PDE11A: variants seen among roughly 807,000 people sequenced by gnomAD.
PDE11A encodes phosphodiesterase 11A.
In PDE11A, 100 loss-of-function variants were observed where a neutral mutation model predicts 100.5. The observed-to-expected ratio is 1.00, with a 90% CI of 0.85 to 1.18. PDE11A has a LOEUF of 1.18. PDE11A is among the 50% of genes most tolerant of loss of function. The probability of loss-of-function intolerance (pLI) is 0.00; values close to 1 mark genes in which losing one functional copy is unlikely to be tolerated. For synonymous variants in PDE11A, 381 were observed against 420.8 expected (o/e 0.91, Z 1.16); for missense variants, 1,141 against 1,152.6 (o/e 0.99, Z 0.15).
At chr2:177,755,773 C>G (rs2082082597) in intron 10 of PDE11A, among the ~76,000 whole-genome samples, 3 of 152,208 alleles carry the variant, frequency 2.0e-5, no homozygotes, top group Admixed American at 2.0e-4. Context: ...AACCCAGGCT[C>G]TGCCAGAGGC....
chr2:177,831,610 A>G (rs1364024450), intron 6 of PDE11A, among the ~76,000 whole-genome samples: 1 of 152,238 alleles, frequency 6.6e-6, no homozygotes, highest in Non-Finnish European at 1.5e-5. Context: ...TATTGGGATC[A>G]GCACCAGCAG....
In PDE11A at chr2:178,019,881, T is replaced by C. The variant is rs191569642; in HGVS notation, c.913-5421A>G. The stretch of plus-strand genomic sequence containing the variant: ...TGAGATAAAGGTGAAAGTCTACATA[T>C]GAAGAGAGTAGAAGGTTGATAAATC... On this transcript the variant is annotated intron_variant, in intron 1 of 19. Transcript: ENST00000286063. Among the ~76,000 whole-genome samples, 79 of 152,268 alleles carry C rather than the reference T, an allele frequency of 5.2e-4. 2 individuals carry two copies. Among genetic ancestry groups the C allele is most frequent in the Non-Finnish European group, 7.3e-5 (5 of 68,030 alleles).
chr2:177,665,670 A>G (rs893014204), intron 18 of PDE11A, among the ~76,000 whole-genome samples: 1 of 151,446 alleles, frequency 6.6e-6, no homozygotes, highest in African/African-American at 2.4e-5. Flanking sequence ...AGCCTGGCCA[A>G]CATGGCGAAA....
At chr2:177,733,166 T>C (rs1354095431) in intron 10 of PDE11A, among the ~76,000 whole-genome samples, 1 of 152,238 alleles carries the variant, frequency 6.6e-6, no homozygotes, top group Non-Finnish European at 1.5e-5. Flanking sequence ...TTTCTCCAAA[T>C]GTCAGTCTTC....
intron 2 of PDE11A, among the ~76,000 whole-genome samples, chr2:177,950,931 C>CA (rs71410778): frequency 0.067 from 9,522 of 141,564 alleles, 302 homozygotes; most frequent in South Asian, 0.11. Context: ...GACTCCGTCT[C>CA]AAAAAAAAAA....
intron 19 of PDE11A, among the ~76,000 whole-genome samples, chr2:177,634,990 A>G (rs1399295129): frequency 6.6e-6 from 1 of 152,196 alleles, no homozygotes; most frequent in Non-Finnish European, 1.5e-5. Flanking sequence ...GAGGAACTCT[A>G]AAGGTTATGT....
intron 9 of PDE11A, among the ~76,000 whole-genome samples, chr2:177,804,468 T>C (rs1404541270): frequency 1.3e-5 from 2 of 152,000 alleles, no homozygotes; most frequent in Non-Finnish European, 2.9e-5. Flanking sequence ...GTAATACTTA[T>C]ATGCTGTTGA....
chr2:178,091,838 C>T (rs1313203973), intron 2 of PDE11A, among the ~76,000 whole-genome samples: 1 of 152,140 alleles, frequency 6.6e-6, no homozygotes, highest in Non-Finnish European at 1.5e-5. Flanking sequence ...CCCTCTCTCT[C>T]AGTGTCCCTG....
chr2:177,941,151 C>T (rs569924412), intron 2 of PDE11A, among the ~76,000 whole-genome samples: 46 of 152,318 alleles, frequency 3.0e-4, no homozygotes, highest in African/African-American at 1.1e-3. Context: ...TAGAGTATCT[C>T]ATTTAATCCT....
intron 2 of PDE11A, among the ~76,000 whole-genome samples, chr2:177,915,042 AT>A (rs994134691): frequency 6.6e-6 from 1 of 152,062 alleles, no homozygotes; most frequent in Non-Finnish European, 1.5e-5. Context: ...AAAGAAGTAG[AT>A]TTTTTTTAGG....
intron 5 of PDE11A, among the ~76,000 whole-genome samples, chr2:177,840,923 A>G (rs577812331): frequency 1.3e-5 from 2 of 152,340 alleles, no homozygotes; most frequent in African/African-American, 4.8e-5. Flanking sequence ...TAACATTAAT[A>G]TTTTAATAAC....
chr2:177,789,977 T>C (rs1427337279), intron 9 of PDE11A, among the ~76,000 whole-genome samples: 1 of 151,306 alleles, frequency 6.6e-6, no homozygotes, highest in African/African-American at 2.4e-5. Flanking sequence ...AGGTAATTTA[T>C]AGATTCAATG....
At chr2:177,660,091 CTT>C (rs753159529) in intron 19 of PDE11A, among the ~76,000 whole-genome samples, 840 of 43,684 alleles carry the variant, frequency 0.019, 47 homozygotes, top group Admixed American at 0.03. Flanking sequence ...TTCTTTCTTT[CTT>C]TCTTTCTCTC....
chr2:177,632,196 T>C (rs879713398), intron 19 of PDE11A, among the ~76,000 whole-genome samples: 1 of 152,188 alleles, frequency 6.6e-6, no homozygotes, highest in Non-Finnish European at 1.5e-5. Context: ...AACCAAGGAA[T>C]AATAAGATAC....
In PDE11A at chr2:177,631,538, TATATATATACAC is replaced by T. The variant is rs1244996966; in HGVS notation, c.2647-1988_2647-1977del. On this transcript the variant is annotated intron_variant, in intron 19 of 19. Transcript: ENST00000286063. ...ATATATATATATATATATATATATA[TATATATATACAC>T]ATGTATATATATATATATACATGTA... is the stretch of plus-strand genomic sequence containing the variant. Among the ~76,000 whole-genome samples the T allele has an allele frequency of 5.4e-3, 110 of 20,508 alleles. 13 individuals are homozygous for T. Among genetic ancestry groups the T allele is most frequent in the East Asian group, 0.036 (12 of 338 alleles). The allele number at this position is 20,508 out of a possible 152,430, so 13.5% of individuals were successfully genotyped here. A position where few individuals can be genotyped will look rare whatever the true frequency, so the allele number is the denominator to read the frequency against.
intron 1 of PDE11A, among the ~76,000 whole-genome samples, chr2:178,016,321 C>A (rs1395798432): frequency 6.6e-6 from 1 of 151,784 alleles, no homozygotes; most frequent in Non-Finnish European, 1.5e-5. Context: ...TGGCTCTGGT[C>A]TGGTGATCCA....
chr2:177,875,292 T>C (rs2084212500), intron 5 of PDE11A, among the ~76,000 whole-genome samples: 1 of 152,088 alleles, frequency 6.6e-6, no homozygotes, highest in Non-Finnish European at 1.5e-5. Context: ...AAAGGCAACA[T>C]TTTAATCCTA....
chr2:177,773,916 T>G (rs2082345959), intron 9 of PDE11A, among the ~76,000 whole-genome samples: 1 of 152,218 alleles, frequency 6.6e-6, no homozygotes, highest in South Asian at 2.1e-4. Flanking sequence ...AGGAGTGGAT[T>G]CCTTAAGATA....
intron 2 of PDE11A, among the ~76,000 whole-genome samples, chr2:178,102,333 G>A (rs1161479610): frequency 2.6e-5 from 4 of 151,588 alleles, no homozygotes; most frequent in Non-Finnish European, 5.9e-5. Flanking sequence ...CACTCTGTTG[G>A]CCAGGCTGGT....
Sources: gnomAD v4.1 joint callset for allele counts (sites outside exome capture counted in the v4.1 genomes callset) on GRCh38, gnomAD v4.1.1 for gene constraint, MANE v1.5 for transcripts, NCBI Gene and HGNC (gene_info 2026-07-23, HGNC 2026-07-21) for gene names.